Variants in IL7 observed in about 807,000 individuals in gnomAD.
The protein encoded by IL7 is interleukin-7.
Under a neutral mutation model 21.6 loss-of-function variants are expected in IL7, and 3 were observed. The ratio of observed to expected loss-of-function variants is 0.14; its 90% CI spans 0.06 to 0.36. The LOEUF (loss-of-function observed/expected upper bound fraction) is 0.36, where lower values mean the gene tolerates loss of function less well. Ranked by LOEUF, IL7 falls within the 10% of genes least tolerant of loss-of-function variation. The probability of loss-of-function intolerance (pLI) is 1.00; values close to 1 mark genes in which losing one functional copy is unlikely to be tolerated. For missense variants in IL7, 175 were observed against 200.2 expected (o/e 0.87, Z 0.76); for synonymous variants, 62 against 68.1 (o/e 0.91, Z 0.44).
intron 2 of IL7, among the ~76,000 whole-genome samples, chr8:78,745,938 C>T (rs1811963183): frequency 6.6e-6 from 1 of 152,062 alleles, no homozygotes; most frequent in East Asian, 1.9e-4. Flanking sequence ...CTTCACATCA[C>T]CTTCTTTGTG....
At chr8:78,760,578 A>G (rs1205328453) in intron 2 of IL7, 2 of 1,554,962 alleles carry the variant, frequency 1.3e-6, no homozygotes, top group Admixed American at 3.9e-5. Flanking sequence ...AAAGTATTGA[A>G]TTTGAGTTGT....
At chr8:78,795,026 AGCATGGACAAAGATTCTG>A (rs1200920651) in intron 2 of IL7, among the ~76,000 whole-genome samples, 1 of 152,070 alleles carries the variant, frequency 6.6e-6, no homozygotes, top group Non-Finnish European at 1.5e-5. Flanking sequence ...TGGGGTAGAG[AGCATGGACAAAGATTCTG>A]GCTCGGTCAC....
At position 78,733,187 on chromosome 8, in the gene IL7, T is replaced by C. The variant is rs931938755; in HGVS notation, c.*526A>G. On this transcript the variant is annotated 3_prime_UTR_variant, in exon 6 of 6. Coordinates refer to ENST00000263851, the MANE Select transcript of IL7 (RefSeq NM_000880.4). ...TGGACCTTGTTATGCTGTTGCTTAC[T>C]TAAGGTTTATGACTCTCTTATTCTC... The C allele has an allele frequency of 2.0e-5, 3 of 152,198 alleles. No homozygotes were observed. The highest frequency in any genetic ancestry group is 2.9e-5 in the Non-Finnish European group (2 of 68,054). 9.4% of individuals were successfully genotyped at this position (152,198 alleles called of 1,614,324 possible). A position where few individuals can be genotyped will look rare whatever the true frequency, so the allele number is the denominator to read the frequency against.
chr8:78,753,893 T>C (rs576517791), intron 2 of IL7, among the ~76,000 whole-genome samples: 1 of 152,282 alleles, frequency 6.6e-6, no homozygotes, highest in East Asian at 1.9e-4. Context: ...TGTGTGATGC[T>C]ATTTCTGAGG....
chr8:78,760,870 A>G, intron 2 of IL7: 1 of 1,564,546 alleles, frequency 6.4e-7, no homozygotes, highest in East Asian at 2.3e-5. Flanking sequence ...CGTTGAGTGA[A>G]TGCAGTACTG....
At chr8:78,738,805 G>C (rs1025237066) in intron 3 of IL7, among the ~76,000 whole-genome samples, 170 bp from the exon 4 acceptor site, 4 of 152,116 alleles carry the variant, frequency 2.6e-5, no homozygotes, top group African/African-American at 9.7e-5. Context: ...AACTAAAACT[G>C]TTTGGCTCCT....
intron 3 of IL7, among the ~76,000 whole-genome samples, chr8:78,693,446 T>C (rs1426771318): frequency 4.6e-5 from 7 of 152,222 alleles, no homozygotes; most frequent in African/African-American, 1.7e-4. Flanking sequence ...AGATGGTATC[T>C]CATTGTGGTT....
At position 78,740,086 on chromosome 8, in the gene IL7, TAATA is replaced by T; in HGVS notation, c.148-8_148-5del. The T allele has an allele frequency of 6.8e-7, 1 of 1,463,810 alleles. No homozygotes were observed. The highest frequency in any genetic ancestry group is 9.1e-7 in the Non-Finnish European group (1 of 1,103,798). 90.7% of individuals were successfully genotyped at this position (1,463,810 alleles called of 1,614,324 possible). On this transcript the variant is annotated splice_polypyrimidine_tract_variant and splice_region_variant and intron_variant, in intron 2 of 5. Coordinates refer to ENST00000263851, the MANE Select transcript of IL7 (RefSeq NM_000880.4). ...TACCAATTTCTTTCATGCTGTCCTG[TAATA>T]AATAACATAAAATAATATGGTTAAA... is the stretch of plus-strand genomic sequence containing the variant.
intron 2 of IL7, among the ~76,000 whole-genome samples, chr8:78,782,535 CT>C (rs779131718): frequency 1.3e-5 from 2 of 152,122 alleles, no homozygotes; most frequent in Non-Finnish European, 2.9e-5. Context: ...TCTCCCACCC[CT>C]GGGGGTGTCA....
intron 5 of IL7, among the ~76,000 whole-genome samples, chr8:78,735,289 T>G (rs1442278797): frequency 1.6e-5 from 2 of 123,556 alleles, no homozygotes; most frequent in African/African-American, 3.5e-5. Flanking sequence ...TTTTTTTTTT[T>G]TTTGTTTTTT....
chr8:78,750,677 A>T (rs561513780), intron 2 of IL7, among the ~76,000 whole-genome samples: 4 of 152,288 alleles, frequency 2.6e-5, no homozygotes, highest in Admixed American at 2.6e-4. Flanking sequence ...CCAAAAAATT[A>T]GCTGGACATG....
intron 3 of IL7, among the ~76,000 whole-genome samples, chr8:78,727,616 C>A (rs1328122880): frequency 6.6e-6 from 1 of 151,872 alleles, no homozygotes; most frequent in African/African-American, 2.4e-5. Flanking sequence ...TTCTTAATAG[C>A]AGTAAAGTGA....
At chr8:78,803,839 T>G (rs1487198869) in intron 1 of IL7, among the ~76,000 whole-genome samples, 3 of 152,188 alleles carry the variant, frequency 2.0e-5, no homozygotes, top group Non-Finnish European at 2.9e-5. Flanking sequence ...CTCTCTATCT[T>G]TGTTTTGTTA....
chr8:78,689,344 A>G, intron 3 of IL7: 2 of 1,598,504 alleles, frequency 1.3e-6, no homozygotes, highest in Non-Finnish European at 1.7e-6. Context: ...TACAGATACC[A>G]AAGGAAAACC....
At chr8:78,679,587 C>T (rs1809698075) in intron 4 of IL7, among the ~76,000 whole-genome samples, 1 of 152,076 alleles carries the variant, frequency 6.6e-6, no homozygotes, top group Non-Finnish European at 1.5e-5. Flanking sequence ...GTAGTAAGGG[C>T]CAACTGTGTA....
At chr8:78,794,733 C>T (rs1813799358) in intron 2 of IL7, among the ~76,000 whole-genome samples, 1 of 152,046 alleles carries the variant, frequency 6.6e-6, no homozygotes, top group Non-Finnish European at 1.5e-5. Flanking sequence ...GTTTTACAAC[C>T]AGTCTATTTG....
chr8:78,782,560 C>T (rs923051308), intron 2 of IL7, among the ~76,000 whole-genome samples: 41 of 152,230 alleles, frequency 2.7e-4, no homozygotes, highest in African/African-American at 8.4e-4. Context: ...GTGGAGGCTG[C>T]GCAACAGCAA....
chr8:78,676,125 T>TAA (rs145824687), intron 4 of IL7: 538 of 194,690 alleles, frequency 2.8e-3, no homozygotes, highest in Non-Finnish European at 3.4e-3. Context: ...ACAAACAAAA[T>TAA]AAAAAAAAAA....
chr8:78,776,285 G>A (rs1315952623), intron 2 of IL7, among the ~76,000 whole-genome samples: 1 of 152,062 alleles, frequency 6.6e-6, no homozygotes, highest in Non-Finnish European at 1.5e-5. Context: ...CCACAGCCCG[G>A]TTCTGCTAGA....
Sources: gnomAD v4.1 joint callset for allele counts (sites outside exome capture counted in the v4.1 genomes callset) on GRCh38, gnomAD v4.1.1 for gene constraint, MANE v1.5 for transcripts, NCBI Gene and HGNC (gene_info 2026-07-23, HGNC 2026-07-21) for gene names.